Variants in EPHA5 observed in about 807,000 individuals in gnomAD.
EPHA5 encodes the protein ephrin type-A receptor 5.
EPHA5 carries 60 observed loss-of-function variants against 105.0 expected under a neutral mutation model. That is an observed-to-expected ratio of 0.57 (90% CI 0.46 to 0.71). The LOEUF is 0.71. EPHA5 is among the 30% of genes least tolerant of loss of function. The probability of loss-of-function intolerance (pLI) is 0.00; values close to 1 mark genes in which losing one functional copy is unlikely to be tolerated. For synonymous variants in EPHA5, 513 were observed against 449.1 expected (o/e 1.14, Z -1.80); for missense variants, 1,218 against 1,274.7 (o/e 0.96, Z 0.68).
chr4:65,615,730 A>G (rs1452086060), intron 2 of EPHA5, among the ~76,000 whole-genome samples: 1 of 151,950 alleles, frequency 6.6e-6, no homozygotes, highest in East Asian at 1.9e-4. Flanking sequence ...AGCTCCAATG[A>G]GATGTCACCA....
At chr4:65,487,714 C>T (rs545299745) in intron 5 of EPHA5, among the ~76,000 whole-genome samples, 293 of 152,246 alleles carry the variant, frequency 1.9e-3, no homozygotes, top group African/African-American at 6.5e-3. Flanking sequence ...CTCCCCATTC[C>T]CTAGACTCCT....
chr4:65,616,047 T>A (rs1745206298), intron 2 of EPHA5, among the ~76,000 whole-genome samples: 1 of 151,856 alleles, frequency 6.6e-6, no homozygotes, highest in Non-Finnish European at 1.5e-5. Context: ...TGACCTTCAG[T>A]GAGCAAATGG....
chr4:65,392,761 T>G (rs894588703), intron 8 of EPHA5, among the ~76,000 whole-genome samples: 1 of 152,154 alleles, frequency 6.6e-6, no homozygotes, highest in African/African-American at 2.4e-5. Context: ...TATTAAAGTT[T>G]TTCATTTTCT....
At position 65,321,493 on chromosome 4, in the gene EPHA5, T is replaced by C. The variant is rs1269162201; in HGVS notation, c.*2621A>G. On this transcript the variant is annotated 3_prime_UTR_variant, in exon 17 of 17. Coordinates refer to ENST00000613740, the MANE Select transcript of EPHA5 (RefSeq NM_001281766.3). ...TAGGAAGGCATTCTTTCCTCTTTTT[T>C]AGGGAGAGTACTTGTTGTTTGACAG... is the stretch of plus-strand genomic sequence containing the variant. 3 of 229,206 alleles carry C rather than the reference T, an allele frequency of 1.3e-5. No individual in the cohort carries two copies. Among genetic ancestry groups the C allele is most frequent in the Non-Finnish European group, 2.6e-5 (3 of 115,516 alleles). The allele number at this position is 229,206 out of a possible 1,614,324, so 14.2% of individuals were successfully genotyped here. A position where few individuals can be genotyped will look rare whatever the true frequency, so the allele number is the denominator to read the frequency against.
intron 3 of EPHA5, among the ~76,000 whole-genome samples, chr4:65,515,206 A>G (rs1560632192): frequency 1.3e-5 from 2 of 152,074 alleles, no homozygotes; most frequent in South Asian, 4.1e-4. Flanking sequence ...CTGTCACTTT[A>G]TCTATTACTT....
chr4:65,432,849 A>G (rs968907891), intron 5 of EPHA5, among the ~76,000 whole-genome samples: 3 of 151,366 alleles, frequency 2.0e-5, no homozygotes, highest in Non-Finnish European at 4.4e-5. Flanking sequence ...ATAAATTAAT[A>G]AAGTATATAT....
At chr4:65,600,974 C>T (rs571820784) in intron 3 of EPHA5, among the ~76,000 whole-genome samples, 1 of 152,082 alleles carries the variant, frequency 6.6e-6, no homozygotes, top group South Asian at 2.1e-4. Flanking sequence ...AAAAAAAAAT[C>T]CCCCAGGGCA....
chr4:65,540,877 AAC>A (rs1491318161), intron 3 of EPHA5, among the ~76,000 whole-genome samples: 13 of 150,214 alleles, frequency 8.7e-5, no homozygotes, highest in African/African-American at 2.9e-4. Context: ...AAAAAAAAAA[AAC>A]AAAAATCATT....
At chr4:65,360,824 T>C (rs1480368676) in intron 11 of EPHA5, among the ~76,000 whole-genome samples, 1 of 151,654 alleles carries the variant, frequency 6.6e-6, no homozygotes, top group Non-Finnish European at 1.5e-5. Flanking sequence ...TTTTAATTTC[T>C]TTCTTTTTTT....
chr4:65,399,915 T>C (rs1721646864), intron 8 of EPHA5, among the ~76,000 whole-genome samples: 1 of 152,216 alleles, frequency 6.6e-6, no homozygotes, highest in African/African-American at 2.4e-5. Flanking sequence ...TTCCTTTGTA[T>C]GTCTATACCA....
chr4:65,535,411 T>C (rs895315640), intron 3 of EPHA5, among the ~76,000 whole-genome samples: 1 of 152,078 alleles, frequency 6.6e-6, no homozygotes, highest in Non-Finnish European at 1.5e-5. Flanking sequence ...TTGAACAATT[T>C]TGGGGACATG....
chr4:65,348,540 A>T (rs1355069424), intron 13 of EPHA5, among the ~76,000 whole-genome samples: 1 of 151,284 alleles, frequency 6.6e-6, no homozygotes, highest in Non-Finnish European at 1.5e-5. Flanking sequence ...ACAGAGTAAA[A>T]GACTCAAATT....
rs566764342 is a variant in EPHA5 at position 65,435,977 on chromosome 4, T to C, written c.1403-15412A>G. Reference sequence around the variant, plus strand: ...GTGATTTTAAGCATTTATTATAATGTTACAGTTAAATTACACACTTTTTCT... The same window carrying C: ...GTGATTTTAAGCATTTATTATAATGCTACAGTTAAATTACACACTTTTTCT... On this transcript the variant is annotated intron_variant, in intron 5 of 16. Transcript: ENST00000613740. Among the ~76,000 whole-genome samples, 6 of 152,190 alleles carry C rather than the reference T, an allele frequency of 3.9e-5. No individual in the cohort carries two copies. The South Asian group carries it at 1.0e-3, about 26-fold the overall frequency.
intron 1 of EPHA5, among the ~76,000 whole-genome samples, chr4:65,645,669 A>G (rs1748055393): frequency 1.3e-5 from 2 of 152,060 alleles, no homozygotes; most frequent in South Asian, 2.1e-4. Flanking sequence ...AATTACCTCA[A>G]AAAACTAGCT....
chr4:65,623,041 T>C (rs1402031368), intron 2 of EPHA5, among the ~76,000 whole-genome samples: 1 of 152,142 alleles, frequency 6.6e-6, no homozygotes, highest in Non-Finnish European at 1.5e-5. Context: ...TTAGGTAGTT[T>C]AAGTTTATGA....
intron 3 of EPHA5, among the ~76,000 whole-genome samples, chr4:65,508,020 A>G (rs959030275): frequency 6.6e-6 from 1 of 152,060 alleles, no homozygotes; most frequent in Admixed American, 6.6e-5. Flanking sequence ...ACTTTGTTTC[A>G]TATAAATATG....
At chr4:65,386,315 G>A (rs1003301548) in intron 8 of EPHA5, among the ~76,000 whole-genome samples, 6 of 151,884 alleles carry the variant, frequency 4.0e-5, no homozygotes, top group African/African-American at 1.4e-4. Flanking sequence ...TAAATGCACA[G>A]CTATTTTTCT....
chr4:65,577,717 C>T (rs1578477518), intron 3 of EPHA5, among the ~76,000 whole-genome samples: 1 of 152,028 alleles, frequency 6.6e-6, no homozygotes, highest in South Asian at 2.1e-4. Flanking sequence ...TTAATGCATG[C>T]AGAAATGCCA....
intron 3 of EPHA5, among the ~76,000 whole-genome samples, chr4:65,589,097 G>A (rs1159946164): frequency 2.6e-5 from 4 of 152,102 alleles, no homozygotes. Flanking sequence ...TTTATTGTGG[G>A]AGACAGTGGA....
Sources: allele counts gnomAD v4.1 joint callset (sites outside exome capture counted in the v4.1 genomes callset), GRCh38; gene constraint gnomAD v4.1.1; transcripts MANE v1.5; gene names NCBI Gene and HGNC (gene_info 2026-07-23, HGNC 2026-07-21).